The following NR4A3 variants were observed in gnomAD, a reference collection of about 807,000 sequenced individuals.
The protein encoded by NR4A3 is nuclear receptor subfamily 4 group A member 3, also known as chondrosarcoma, extraskeletal myxoid, fused to EWS.
Under a neutral mutation model 55.6 loss-of-function variants are expected in NR4A3, and 13 were observed. The observed-to-expected ratio is 0.23, with a 90% CI of 0.15 to 0.37. The LOEUF (loss-of-function observed/expected upper bound fraction) is 0.37. Ranked by LOEUF, NR4A3 falls within the 10% of genes least tolerant of loss-of-function variation. NR4A3 has a pLI of 1.00. For missense variants in NR4A3, 646 were observed against 822.8 expected (o/e 0.79, Z 2.63); for synonymous variants, 342 against 357.9 (o/e 0.96, Z 0.50).
At chr9:99,831,885 A>AT (rs1238915612) in intron 3 of NR4A3, among the ~76,000 whole-genome samples, 11 of 152,090 alleles carry the variant, frequency 7.2e-5, no homozygotes, top group South Asian at 6.2e-4. Flanking sequence ...AAGTTTTATG[A>AT]TTTTTTTTAC....
rs1312288705 is a variant in NR4A3 at position 99,828,726 on chromosome 9, A to AGCCGCCGCGGGCAGCCAG, written c.694_711dup (p.Gly232_Ala237dup). 3 of 1,303,812 alleles carry AGCCGCCGCGGGCAGCCAG rather than the reference A, an allele frequency of 2.3e-6. No homozygotes were observed. The highest frequency in any genetic ancestry group is 2.9e-6 in the Non-Finnish European group (3 of 1,030,264). 80.8% of individuals were successfully genotyped at this position (1,303,812 alleles called of 1,614,324 possible). On this transcript the variant is annotated inframe_insertion, in exon 3 of 8. Transcript: ENST00000395097. The surrounding 1 kb of genome is among the most constrained non-coding windows in gnomAD (Gnocchi z 7.7). ...CGCTCAGCCTGCCGCTGGGAGCCGCAGCCGCCGCGGGCAGCCAGGCCGCCG... is the reference window on the plus strand; with the variant it reads ...CGCTCAGCCTGCCGCTGGGAGCCGCAGCCGCCGCGGGCAGCCAGGCCGCCGCGGGCAGCCAGGCCGCCG...
chr9:99,863,526 T>G, intron 7 of NR4A3, 94 bp from the exon 8 acceptor site: 1 of 1,456,500 alleles, frequency 6.9e-7, no homozygotes, highest in Non-Finnish European at 9.3e-7. Context: ...CTATCCAAAC[T>G]GGCAGAATGA....
chr9:99,825,025 G>C lies in NR4A3; in HGVS notation c.-176-634G>C, dbSNP rs777202693. 2.0e-5 allele frequency among the ~76,000 whole-genome samples: 3 copies of C among 152,200 alleles called. No homozygotes were observed. The highest frequency in any genetic ancestry group is 4.1e-4 in the South Asian group (2 of 4,836). On this transcript the variant is annotated intron_variant, in intron 1 of 7. Coordinates refer to ENST00000395097, the MANE Select transcript of NR4A3 (RefSeq NM_006981.4). This position sits in a 1 kb window ranked among gnomAD's most constrained non-coding sequence, Gnocchi z 5.0. The stretch of plus-strand genomic sequence containing the variant: ...TGCTTCCAGCGCCAGCCTTCTCATC[G>C]CTGTGCCCTTTTGTTTGCTTGACCC...
chr9:99,828,567 G>A lies in NR4A3; in HGVS notation c.525G>A (p.Pro175=). Residue 175 remains proline (P), a synonymous_variant, in exon 3 of 8, where the codon CCG becomes CCA. Transcript: ENST00000395097. The surrounding 1 kb of genome is among the most constrained non-coding windows in gnomAD (Gnocchi z 7.7). ...TCGCACCCGGCCCGCTGCTGGACCC[G>A]CCGATGAAGGCGGTCCCCACGGTGG... ...GCIAPGPLLD[P]PMKAVPTVAG... 1.3e-6 allele frequency: 2 copies of A among 1,567,414 alleles called. No homozygotes were observed. The highest frequency in any genetic ancestry group is 1.8e-5 in the Admixed American group (1 of 54,268).
At chr9:99,830,438 T>A (rs1206193763) in intron 3 of NR4A3, among the ~76,000 whole-genome samples, 1 of 152,220 alleles carries the variant, frequency 6.6e-6, no homozygotes, top group Non-Finnish European at 1.5e-5. Flanking sequence ...GCTATAAAGT[T>A]TTGTAAAAAT....
In NR4A3 at chr9:99,858,820, G is replaced by A. The variant is rs569823195; in HGVS notation, c.1634-4800G>A. On this transcript the variant is annotated intron_variant, in intron 7 of 7. Transcript: ENST00000395097. ...TGCCTAATTCACAGGATTGTTGTGA[G>A]AGTGAGATAAGATAATCTAAGTAAA... 9.2e-5 allele frequency among the ~76,000 whole-genome samples: 14 copies of A among 152,316 alleles called. No individual in the cohort carries two copies. In the South Asian group the frequency reaches 2.9e-3, roughly 32 times the overall value.
chr9:99,863,804 G>A lies in NR4A3; in HGVS notation c.1818G>A (p.Leu606=), dbSNP rs573704440. ...LGLQRIFYLK[L]EDLVSPPSII... The stretch of plus-strand genomic sequence containing the variant: ...TCCAGCGCATCTTCTACCTGAAGCT[G>A]GAAGACTTGGTGTCTCCACCTTCCA... Residue 606 remains leucine, a synonymous_variant, in exon 8 of 8, where the codon CTG becomes CTA. Coordinates refer to ENST00000395097, the MANE Select transcript of NR4A3 (RefSeq NM_006981.4). 3.1e-6 allele frequency: 5 copies of A among 1,613,892 alleles called. No homozygotes were observed. The Admixed American group carries it at 6.7e-5, about 22-fold the overall frequency.
Position 99,864,112 on chromosome 9 carries a change from T to A in NR4A3, c.*245T>A. 2.3e-6 allele frequency: 1 copy of A among 429,274 alleles called. No homozygotes were observed. The highest frequency in any genetic ancestry group is 3.7e-5 in the East Asian group (1 of 26,882). The allele number at this position is 429,274 out of a possible 1,614,324, so 26.6% of individuals were successfully genotyped here. A position where few individuals can be genotyped will look rare whatever the true frequency, so the allele number is the denominator to read the frequency against. ...CATTGGGGGATGGGGTGGGAGGGGG[T>A]TATAGTTCATGAGGGTTTTCTAAGA... is the stretch of plus-strand genomic sequence containing the variant. On this transcript the variant is annotated 3_prime_UTR_variant, in exon 8 of 8. Coordinates refer to ENST00000395097, the MANE Select transcript of NR4A3 (RefSeq NM_006981.4).
rs904026329 is a variant in NR4A3, at chr9:99,848,975, C to T, written c.1633+1360C>T. Among the ~76,000 whole-genome samples the T allele has an allele frequency of 1.1e-4, 16 of 152,310 alleles. No individual in the cohort carries two copies. The South Asian group carries it at 3.3e-3, about 32-fold the overall frequency. ...TTGACCTTTTGGTCAGACACAAGCA[C>T]AGGCTTGGCTGTTGAACAGAGTTCA... On this transcript the variant is annotated intron_variant, in intron 7 of 7. Transcript: ENST00000395097.
intron 4 of NR4A3, 101 bp from the exon 5 acceptor site, chr9:99,833,181 A>T: frequency 7.0e-7 from 1 of 1,420,658 alleles, no homozygotes; most frequent in Non-Finnish European, 9.5e-7. Context: ...GGTCTCATTA[A>T]TGATTGCTCA....
chr9:99,834,411 A>G (rs968844697), intron 5 of NR4A3, among the ~76,000 whole-genome samples: 30 of 152,222 alleles, frequency 2.0e-4, no homozygotes, highest in African/African-American at 6.0e-4. Context: ...TATGCTAGAC[A>G]TTGTGGTACA....
rs1167491617 is a variant in NR4A3 at position 99,863,665 on chromosome 9, A to G, written c.1679A>G (p.Asn560Ser). The G allele has an allele frequency of 6.2e-7, 1 of 1,614,004 alleles. No individual in the cohort carries two copies. Among genetic ancestry groups the G allele is most frequent in the Non-Finnish European group, 8.5e-7 (1 of 1,179,952 alleles). Residue 560 changes from asparagine to serine, a missense_variant, in exon 8 of 8, where the codon AAC (asparagine) becomes AGC (serine). Coordinates refer to ENST00000395097, the MANE Select transcript of NR4A3 (RefSeq NM_006981.4). The stretch of plus-strand genomic sequence containing the variant: ...CCAAAGAGAGTCGAAGAGCTATGCA[A>G]CAAGATCACAAGCAGTTTAAAAGAC... ...KEPKRVEELC[N>S]KITSSLKDHQ...
chr9:99,826,934 G>A (rs1012821440), intron 2 of NR4A3: 122 of 730,776 alleles, frequency 1.7e-4, no homozygotes, highest in African/African-American at 2.8e-4. Context: ...ACCAAAAACC[G>A]CCGTTTTTTA....
Position 99,857,207 on chromosome 9 carries a change from G to A in NR4A3, c.1634-6413G>A, listed in dbSNP as rs770305812. Among the ~76,000 whole-genome samples, 25 of 152,196 alleles carry A rather than the reference G, an allele frequency of 1.6e-4. No homozygotes were observed. In the Middle Eastern group the frequency reaches 0.01, roughly 62 times the overall value. ...TGCAATGGATTAAATATGATGGCTC[G>A]GGGGGAAGAAATTGTTAGAGATGAT... On this transcript the variant is annotated intron_variant, in intron 7 of 7. Transcript: ENST00000395097.
In NR4A3 at chr9:99,859,286, C is replaced by A. The variant is rs144570085; in HGVS notation, c.1634-4334C>A. Among the ~76,000 whole-genome samples the A allele has an allele frequency of 2.3e-3, 356 of 152,224 alleles. 3 individuals carry two copies. Among genetic ancestry groups the A allele is most frequent in the Non-Finnish European group, 3.7e-3 (252 of 67,992 alleles). On this transcript the variant is annotated intron_variant, in intron 7 of 7. Coordinates refer to ENST00000395097, the MANE Select transcript of NR4A3 (RefSeq NM_006981.4). ...TGAACTCTGTATATTAGCTCCGTAG[C>A]CATGTTTACCAAGCTACAAGAAGAA...
rs754253625 is a variant in NR4A3 at position 99,828,140 on chromosome 9, C to T, written c.98C>T (p.Pro33Leu). Residue 33 changes from proline (P) to leucine (L), a missense_variant, in exon 3 of 8, where the codon CCC becomes CTC. Physicochemically the swap from Pro to Leu is moderately conservative, Grantham distance 98. Around this residue, in one of 5 missense-constraint regions of NR4A3, gnomAD observed 426 missense variants for 429.4 expected, o/e 0.99. Coordinates refer to ENST00000395097, the MANE Select transcript of NR4A3 (RefSeq NM_006981.4). This position sits in a 1 kb window ranked among gnomAD's most constrained non-coding sequence, Gnocchi z 7.7. The part of the protein sequence containing the change: ...SSEYTTEIMN[P>L]DYTKLTMDLG... ...GAATACACCACGGAGATCATGAACC[C>T]CGACTACACCAAGCTGACCATGGAC... The T allele has an allele frequency of 1.2e-6, 2 of 1,614,040 alleles. No individual in the cohort carries two copies. The highest frequency in any genetic ancestry group is 2.2e-5 in the East Asian group (1 of 44,874).
intron 7 of NR4A3, among the ~76,000 whole-genome samples, chr9:99,850,758 G>A (rs1293522286): frequency 6.6e-6 from 1 of 152,202 alleles, no homozygotes; most frequent in Non-Finnish European, 1.5e-5. Flanking sequence ...ATGTCATAGG[G>A]CAGCAGTGAG....
At chr9:99,827,258 A>ATATG (rs1264728798) in intron 2 of NR4A3, among the ~76,000 whole-genome samples, 1 of 145,010 alleles carries the variant, frequency 6.9e-6, no homozygotes, top group Admixed American at 7.0e-5. Flanking sequence ...GGATATATAT[A>ATATG]TGTGTGTGTG....
intron 4 of NR4A3, 27 bp downstream of exon 4, chr9:99,832,845 T>C: frequency 6.8e-7 from 1 of 1,468,556 alleles, no homozygotes; most frequent in South Asian, 1.5e-5. Context: ...TTTTACCCAG[T>C]TTGCTTATAC....
Sources: gnomAD v4.1 joint callset for allele counts (sites outside exome capture counted in the v4.1 genomes callset) on GRCh38, gnomAD v4.1.1 for gene constraint, gnomAD v4.1.1 regional missense constraint, Gnocchi (gnomAD v3.1) non-coding constraint, MANE v1.5 for transcripts, NCBI Gene and HGNC (gene_info 2026-07-23, HGNC 2026-07-21) for gene names.